AGPAT5: variants seen among roughly 807,000 people sequenced by gnomAD.
The protein encoded by AGPAT5 is 1-acyl-sn-glycerol-3-phosphate acyltransferase epsilon.
AGPAT5 carries 46 observed loss-of-function variants against 45.6 expected under a neutral mutation model. That is an observed-to-expected ratio of 1.01 (90% CI 0.80 to 1.29). The LOEUF (loss-of-function observed/expected upper bound fraction) is 1.29. Ranked by LOEUF, AGPAT5 falls within the 50% of genes most tolerant of loss-of-function variation. The probability of loss-of-function intolerance (pLI) is 0.00; values close to 1 mark genes in which losing one functional copy is unlikely to be tolerated. For missense variants in AGPAT5, 673 were observed against 450.7 expected, an observed-to-expected ratio of 1.49 and a Z score of -4.47; for synonymous variants, 272 against 167.0, an observed-to-expected ratio of 1.63 and a Z score of -4.85.
intron 1 of AGPAT5, among the ~76,000 whole-genome samples, chr8:6,723,155 C>G (rs944857569): frequency 6.6e-6 from 1 of 152,134 alleles, no homozygotes; most frequent in Non-Finnish European, 1.5e-5. Flanking sequence ...GCTTTGCCTA[C>G]TGGTGACAAA....
At chr8:6,716,623 C>T (rs1348969128) in intron 1 of AGPAT5, among the ~76,000 whole-genome samples, 4 of 152,052 alleles carry the variant, frequency 2.6e-5, no homozygotes, top group African/African-American at 4.8e-5. Flanking sequence ...CACCTGAGGT[C>T]GGGAGTTCGA....
intron 6 of AGPAT5, among the ~76,000 whole-genome samples, chr8:6,748,115 A>G (rs941422570): frequency 6.6e-6 from 1 of 152,122 alleles, no homozygotes; most frequent in Non-Finnish European, 1.5e-5. Context: ...TGTAAAAGGG[A>G]GGAAGACGTG....
intron 1 of AGPAT5, 22 bp downstream of exon 1, chr8:6,708,909 G>A (rs370009862): frequency 1.3e-6 from 2 of 1,588,806 alleles, no homozygotes; most frequent in East Asian, 2.3e-5. Flanking sequence ...CCCGCTCCCG[G>A]GTCTCGGCGT....
chr8:6,728,931 A>G (rs923270292), intron 2 of AGPAT5, among the ~76,000 whole-genome samples: 6 of 152,336 alleles, frequency 3.9e-5, no homozygotes, highest in South Asian at 2.1e-4. Context: ...GTGATCATTG[A>G]TAGCCCAATA....
chr8:6,755,392 G>C (rs1474907566), intron 7 of AGPAT5, among the ~76,000 whole-genome samples: 1 of 152,176 alleles, frequency 6.6e-6, no homozygotes, highest in Non-Finnish European at 1.5e-5. Context: ...TGCATTGATA[G>C]TATTTCTTGG....
intron 1 of AGPAT5, chr8:6,709,222 G>A (rs1800051993): frequency 5.3e-6 from 2 of 376,136 alleles, no homozygotes; most frequent in South Asian, 4.5e-5. Flanking sequence ...CTGGCCTTTG[G>A]TCCAAAGAGG....
At chr8:6,719,853 A>G (rs1800446173) in intron 1 of AGPAT5, among the ~76,000 whole-genome samples, 1 of 152,180 alleles carries the variant, frequency 6.6e-6, no homozygotes, top group Non-Finnish European at 1.5e-5. Flanking sequence ...CGAAAATGGA[A>G]GGTTTGGAGT....
chr8:6,730,947 C>T, intron 3 of AGPAT5, 121 bp downstream of exon 3: 2 of 519,786 alleles, frequency 3.8e-6, no homozygotes, highest in Non-Finnish European at 6.5e-6. Context: ...CAGCTCACTG[C>T]AGCCTTGACC....
intron 5 of AGPAT5, among the ~76,000 whole-genome samples, chr8:6,743,708 G>A (rs1263141561): frequency 1.3e-5 from 2 of 151,584 alleles, no homozygotes; most frequent in East Asian, 3.9e-4. Flanking sequence ...ATGGTTATAA[G>A]GGATGTGGAA....
chr8:6,742,704 AG>A (rs1308725324), intron 5 of AGPAT5, among the ~76,000 whole-genome samples: 1 of 152,234 alleles, frequency 6.6e-6, no homozygotes, highest in East Asian at 1.9e-4. Context: ...ATTAAAAATA[AG>A]GGGGAGTTTT....
At chr8:6,721,643 A>G (rs1023463454) in intron 1 of AGPAT5, among the ~76,000 whole-genome samples, 5 of 152,190 alleles carry the variant, frequency 3.3e-5, no homozygotes, top group Admixed American at 1.3e-4. Flanking sequence ...TGAGGATTCA[A>G]ATTCAAGTCT....
At chr8:6,755,804 C>T (rs958006716) in intron 7 of AGPAT5, among the ~76,000 whole-genome samples, 2 of 152,088 alleles carry the variant, frequency 1.3e-5, no homozygotes, top group African/African-American at 4.8e-5. Context: ...GTTAACTTTA[C>T]CAGGTGAAAA....
intron 1 of AGPAT5, among the ~76,000 whole-genome samples, chr8:6,714,545 T>C (rs966974638): frequency 6.6e-6 from 1 of 152,236 alleles, no homozygotes; most frequent in African/African-American, 2.4e-5. Flanking sequence ...TGCCTGATTT[T>C]TCTATTTTAA....
At chr8:6,723,710 C>T (rs1014606537) in intron 1 of AGPAT5, among the ~76,000 whole-genome samples, 7 of 152,300 alleles carry the variant, frequency 4.6e-5, no homozygotes, top group African/African-American at 1.4e-4. Flanking sequence ...AATGTTTAAA[C>T]ATACTACATA....
At chr8:6,751,215 G>T (rs1801644915) in intron 6 of AGPAT5, among the ~76,000 whole-genome samples, 1 of 152,134 alleles carries the variant, frequency 6.6e-6, no homozygotes, top group African/African-American at 2.4e-5. Flanking sequence ...TAAGTACTTT[G>T]TGGCCACATT....
At chr8:6,745,569 A>T (rs1049524572) in intron 5 of AGPAT5, among the ~76,000 whole-genome samples, 21 of 152,246 alleles carry the variant, frequency 1.4e-4, no homozygotes, top group African/African-American at 4.6e-4. Context: ...TATTGTAGAA[A>T]TAAACAATGG....
chr8:6,730,868 T>TG, intron 3 of AGPAT5, 42 bp downstream of exon 3: 2 of 1,283,632 alleles, frequency 1.6e-6, no homozygotes, highest in Non-Finnish European at 2.1e-6. Context: ...ATGTAGTTTA[T>TG]AAATTTTTTT....
intron 4 of AGPAT5, chr8:6,738,658 G>A (rs1191918972): frequency 1.3e-5 from 2 of 152,168 alleles, no homozygotes; most frequent in African/African-American, 4.8e-5. Context: ...TCAGTAAAGC[G>A]AAGCATGATA....
At chr8:6,754,992 T>G (rs1801784728) in intron 6 of AGPAT5, 59 bp from the exon 7 acceptor site, 3 of 1,385,788 alleles carry the variant, frequency 2.2e-6, no homozygotes, top group Non-Finnish European at 2.9e-6. Flanking sequence ...CATTTTTACT[T>G]TATATGACCA....
Sources: allele counts gnomAD v4.1 joint callset (sites outside exome capture counted in the v4.1 genomes callset), GRCh38; gene constraint gnomAD v4.1.1; transcripts MANE v1.5; gene names NCBI Gene and HGNC (gene_info 2026-07-23, HGNC 2026-07-21).